KLRG1: variants seen among roughly 807,000 people sequenced by gnomAD.
KLRG1 encodes killer cell lectin-like receptor subfamily G member 1.
In KLRG1, 16 loss-of-function variants were observed where a neutral mutation model predicts 21.8. The ratio of observed to expected loss-of-function variants is 0.73; its 90% CI spans 0.50 to 1.11. KLRG1 has a LOEUF of 1.11. Among genes scored for constraint, KLRG1 ranks in the 50% most tolerant of loss-of-function variants. The probability of loss-of-function intolerance (pLI) is 0.00; values close to 1 mark genes in which losing one functional copy is unlikely to be tolerated. For missense variants in KLRG1, 173 were observed against 218.3 expected, an observed-to-expected ratio of 0.79 and a Z score of 1.31; for synonymous variants, 69 against 75.9, an observed-to-expected ratio of 0.91 and a Z score of 0.47.
At chr12:9,042,786 A>G in the KLRG1 span, among the ~76,000 whole-genome samples, 3 of 152,212 alleles carry the variant, frequency 2.0e-5, no homozygotes, top group Non-Finnish European at 4.4e-5. Context: ...GTCAGGAAGC[A>G]GTTTGATATT....
the KLRG1 span, among the ~76,000 whole-genome samples, chr12:9,143,229 A>T: frequency 3.0e-4 from 46 of 152,338 alleles, no homozygotes; most frequent in African/African-American, 8.4e-4. Flanking sequence ...GGTGCTGTTT[A>T]ATCTGTGACA....
chr12:9,175,443 A>G, the KLRG1 span, among the ~76,000 whole-genome samples: 1 of 152,352 alleles, frequency 6.6e-6, no homozygotes. Flanking sequence ...AACTGCAACA[A>G]AAGCAAAAAT....
At chr12:8,954,776 A>G (rs1053335017) in intron 1 of KLRG1, among the ~76,000 whole-genome samples, 3 of 152,208 alleles carry the variant, frequency 2.0e-5, no homozygotes, top group Non-Finnish European at 4.4e-5. Flanking sequence ...ATTCACATAT[A>G]AGAAAACACA....
chr12:9,027,885 A>T, the KLRG1 span: 1 of 887,286 alleles, frequency 1.1e-6, no homozygotes, highest in Non-Finnish European at 1.9e-6. Flanking sequence ...ACCACTACCA[A>T]AGTTTCCAGA....
the KLRG1 span, among the ~76,000 whole-genome samples, chr12:9,070,069 A>G: frequency 6.6e-6 from 1 of 152,230 alleles, no homozygotes; most frequent in African/African-American, 2.4e-5. Flanking sequence ...GTAGTTACTC[A>G]TATTTCAAAG....
the KLRG1 span, among the ~76,000 whole-genome samples, chr12:9,041,266 C>G: frequency 1.3e-5 from 2 of 152,136 alleles, no homozygotes; most frequent in African/African-American, 4.8e-5. Flanking sequence ...ACCTGGGAGG[C>G]AGAGGTTGCA....
chr12:9,109,544 C>G, the KLRG1 span: 1 of 673,848 alleles, frequency 1.5e-6, no homozygotes, highest in Non-Finnish European at 2.6e-6. Flanking sequence ...CTATTCTTAT[C>G]TATCCTCCTC....
the KLRG1 span, among the ~76,000 whole-genome samples, chr12:9,195,353 T>C: frequency 6.6e-6 from 1 of 152,080 alleles, no homozygotes; most frequent in African/African-American, 2.4e-5. Flanking sequence ...AAAATACACA[T>C]GAGAATGTTT....
At chr12:9,211,728 T>G in the KLRG1 span, among the ~76,000 whole-genome samples, 3 of 152,222 alleles carry the variant, frequency 2.0e-5, no homozygotes, top group Admixed American at 6.5e-5. Flanking sequence ...TTTCCCATCT[T>G]TATAGACTGG....
the KLRG1 span, chr12:9,069,914 A>G: frequency 5.3e-6 from 5 of 940,482 alleles, no homozygotes; most frequent in East Asian, 2.4e-5. Flanking sequence ...CTGAGGGTAG[A>G]ATTCTTCAAA....
intron 3 of KLRG1, among the ~76,000 whole-genome samples, chr12:9,005,438 T>G (rs1947443780): frequency 6.6e-6 from 1 of 152,204 alleles, no homozygotes. Flanking sequence ...CTGTCATTCA[T>G]AGCAGAATGG....
the KLRG1 span, chr12:9,110,076 A>C: frequency 6.4e-7 from 1 of 1,565,102 alleles, no homozygotes; most frequent in Non-Finnish European, 8.7e-7. Context: ...AAGCACCTGG[A>C]GCATTGGAGC....
the KLRG1 span, among the ~76,000 whole-genome samples, chr12:9,128,857 C>G: frequency 6.6e-6 from 1 of 152,134 alleles, no homozygotes; most frequent in Admixed American, 6.5e-5. Flanking sequence ...ACTGGGTCTG[C>G]GGGTATTTCA....
chr12:9,192,098 G>A, the KLRG1 span: 1 of 1,055,644 alleles, frequency 9.5e-7, no homozygotes. Flanking sequence ...ATTGTGAAGG[G>A]ATGATGGAAA....
the KLRG1 span, among the ~76,000 whole-genome samples, chr12:9,032,573 A>G: frequency 1.3e-5 from 2 of 152,220 alleles, no homozygotes; most frequent in Non-Finnish European, 2.9e-5. Context: ...ATGAAAGGCC[A>G]CAGGTTAGGA....
At chr12:9,189,414 G>T in the KLRG1 span, among the ~76,000 whole-genome samples, 1 of 152,162 alleles carries the variant, frequency 6.6e-6, no homozygotes, top group Admixed American at 6.5e-5. Context: ...TTCAATAAAT[G>T]GTGCTGAGAT....
chr12:8,962,363 A>C (rs974271395), intron 1 of KLRG1, among the ~76,000 whole-genome samples: 14 of 152,172 alleles, frequency 9.2e-5, no homozygotes, highest in African/African-American at 3.1e-4. Context: ...AATGATTAGA[A>C]ACTGCTGAAG....
the KLRG1 span, among the ~76,000 whole-genome samples, chr12:9,050,124 C>G: frequency 3.3e-5 from 5 of 152,314 alleles, no homozygotes; most frequent in Middle Eastern, 3.4e-3. Flanking sequence ...AAATAGAGCT[C>G]TTTGTAGACT....
At position 9,008,994 on chromosome 12, in the gene KLRG1, T is replaced by C; in HGVS notation, c.377T>C (p.Leu126Pro). The change falls in exon 4 of 5, where the codon CTC (leucine) becomes CCC (proline). Residue 126 changes from leucine (L) to proline (P), a missense_variant. By Grantham distance (98) the Leu-to-Pro change is moderately conservative (BLOSUM62 -3). Transcript: ENST00000356986. ...CCTTAGAGCCTGCTCCAAGTTTTCCTCAGTGAGGCCTTTTGCTGGATTGGT... is the reference window on the plus strand; with the variant it reads ...CCTTAGAGCCTGCTCCAAGTTTTCCCCAGTGAGGCCTTTTGCTGGATTGGT... Reference protein sequence around the residue: ...NQEMSLLQVFLSEAFCWIGLR... With the variant: ...NQEMSLLQVFPSEAFCWIGLR... 6.2e-7 allele frequency: 1 copy of C among 1,613,772 alleles called. No homozygotes were observed. Among genetic ancestry groups the C allele is most frequent in the Non-Finnish European group, 8.5e-7 (1 of 1,179,816 alleles).
Sources: allele counts gnomAD v4.1 joint callset (sites outside exome capture counted in the v4.1 genomes callset), GRCh38; gene constraint gnomAD v4.1.1; transcripts MANE v1.5; gene names NCBI Gene and HGNC (gene_info 2026-07-23, HGNC 2026-07-21).